The following SYT12 variants were observed in gnomAD, a reference collection of about 807,000 sequenced individuals.
SYT12 encodes synaptotagmin-12.
SYT12 carries 27 observed loss-of-function variants against 39.5 expected under a neutral mutation model. That is an observed-to-expected ratio of 0.68 (90% CI 0.50 to 0.94). SYT12 has a LOEUF of 0.94. SYT12 is among the 40% of genes least tolerant of loss of function. The probability of loss-of-function intolerance (pLI) is 0.00; values close to 1 mark genes in which losing one functional copy is unlikely to be tolerated. For synonymous variants in SYT12, 233 were observed against 239.7 expected (o/e 0.97, Z 0.26); for missense variants, 536 against 572.6 (o/e 0.94, Z 0.65).
At chr11:67,045,984 C>T in intron 7 of SYT12, 107 bp downstream of exon 7, 2 of 1,439,548 alleles carry the variant, frequency 1.4e-6, no homozygotes, top group East Asian at 2.3e-5. Flanking sequence ...TAGTGGTTTG[C>T]CTCCAGCCAT....
rs1365190430 is a variant in SYT12 at position 67,023,410 on chromosome 11, G to A, written c.-74G>A. 6.7e-6 allele frequency: 1 copy of A among 150,310 alleles called. No individual in the cohort carries two copies. Among genetic ancestry groups the A allele is most frequent in the Non-Finnish European group, 1.5e-5 (1 of 67,356 alleles). The allele number at this position is 150,310 out of a possible 1,614,324, so 9.3% of individuals were successfully genotyped here. On this transcript the variant is annotated 5_prime_UTR_variant, in exon 1 of 8. Transcript: ENST00000527043. ...CAGGTGCGTGCGCGCTGCGGGAGGC[G>A]GGCCGGCAGCTGGAGCCCAGCCGGA...
In SYT12 at chr11:67,044,607, G is replaced by A. The variant is rs200935538; in HGVS notation, c.852G>A (p.Val284=). Residue 284 remains valine (V), a synonymous_variant, in exon 6 of 8, where the codon GTG becomes GTA. Coordinates refer to ENST00000527043, the MANE Select transcript of SYT12 (RefSeq NM_177963.4). ...LQDQNKAADA[V]GEILLSLSYL... ...CTGTCCCCCAGGCCGCCGATGCTGT[G>A]GGGGAGATCCTGCTCTCCCTCAGCT... 6.2e-7 allele frequency: 1 copy of A among 1,613,098 alleles called. No homozygotes were observed. Among genetic ancestry groups the A allele is most frequent in the Admixed American group, 1.7e-5 (1 of 59,990 alleles).
In SYT12 at chr11:67,048,725, G is replaced by A. The variant is rs200517338; in HGVS notation, c.1234G>A (p.Val412Met). The change falls in exon 8 of 8, where the codon GTG becomes ATG. Residue 412 changes from valine (V) to methionine (M), a missense_variant. Val to Met is a conservative substitution (Grantham distance 21). Coordinates refer to ENST00000527043, the MANE Select transcript of SYT12 (RefSeq NM_177963.4). Reference sequence around the variant, plus strand: ...GATGTTGGCCACGCTGCGCAGGCCCGTGTCCATGTGGCACGCTGTCCGGCG... The same window carrying A: ...GATGTTGGCCACGCTGCGCAGGCCCATGTCCATGTGGCACGCTGTCCGGCG... ...NQMLATLRRP[V>M]SMWHAVRRN The A allele has an allele frequency of 3.7e-5, 60 of 1,602,968 alleles. No individual in the cohort carries two copies. Among genetic ancestry groups the A allele is most frequent in the African/African-American group, 5.3e-5 (4 of 74,838 alleles).
At chr11:67,046,314 T>G (rs1854549549) in intron 7 of SYT12, among the ~76,000 whole-genome samples, 1 of 152,184 alleles carries the variant, frequency 6.6e-6, no homozygotes, top group Non-Finnish European at 1.5e-5. Context: ...GAAGGTGACA[T>G]GCTCCAGGGA....
chr11:67,028,699 GGA>G (rs1950214900), intron 1 of SYT12: 1 of 152,224 alleles, frequency 6.6e-6, no homozygotes, highest in Admixed American at 6.5e-5. Flanking sequence ...CACTCCCCAA[GGA>G]CTTTTTATAC....
At chr11:67,019,475 A>AG (rs1194840058), upstream of SYT12, among the ~76,000 whole-genome samples, 1 of 151,618 alleles carries the variant, frequency 6.6e-6, no homozygotes, top group African/African-American at 2.4e-5. Flanking sequence ...TCCACCTCAA[A>AG]AAAAAAAAAA....
chr11:67,046,612 C>T (rs1854561100), intron 7 of SYT12, among the ~76,000 whole-genome samples: 1 of 152,230 alleles, frequency 6.6e-6, no homozygotes, highest in Non-Finnish European at 1.5e-5. Flanking sequence ...CCGGGCACAC[C>T]CCAGCATCTC....
Position 67,043,658 on chromosome 11 carries a change from C to T in SYT12, c.642C>T (p.Ser214=). The T allele has an allele frequency of 6.2e-7, 1 of 1,614,144 alleles. No homozygotes were observed. Among genetic ancestry groups the T allele is most frequent in the Non-Finnish European group, 8.5e-7 (1 of 1,180,044 alleles). Residue 214 remains serine (S), a synonymous_variant, in exon 5 of 8, where the codon TCC becomes TCT. Transcript: ENST00000527043. The part of the protein sequence containing the change: ...GISRIQRNAY[S]IFFDEKFSIP... Reference sequence around the variant, plus strand: ...TGCAGATCCAGAGAAATGCCTACTCCATCTTCTTTGATGAGAAGTTCTCCA... The same window carrying T: ...TGCAGATCCAGAGAAATGCCTACTCTATCTTCTTTGATGAGAAGTTCTCCA...
chr11:67,041,804 G>A (rs576235100), intron 4 of SYT12, among the ~76,000 whole-genome samples: 1 of 152,348 alleles, frequency 6.6e-6, no homozygotes, highest in South Asian at 2.1e-4. Flanking sequence ...GACCCAACCA[G>A]AAGCCAAAGG....
rs1434821055 is a variant in SYT12 at position 67,039,832 on chromosome 11, C to T, written c.250C>T (p.Gln84Ter). The T allele has an allele frequency of 6.2e-7, 1 of 1,611,698 alleles. No individual in the cohort carries two copies. Among genetic ancestry groups the T allele is most frequent in the Non-Finnish European group, 8.5e-7 (1 of 1,179,674 alleles). The change falls in exon 4 of 8, where the codon CAG becomes TAG. Residue 84 changes from glutamine (Q) to a stop codon, truncating the protein, a stop_gained. Coordinates refer to ENST00000527043, the MANE Select transcript of SYT12 (RefSeq NM_177963.4). LOFTEE classifies it high-confidence loss of function. ...REKRVPAWNA[Q>*]RASTRGPPSR... is the part of the protein sequence containing the mutation. ...CTAGAGAGTGCCTGCCTGGAATGCCCAGCGGGCCAGCACGCGGGGACCACC... is the reference window on the plus strand; with the variant it reads ...CTAGAGAGTGCCTGCCTGGAATGCCTAGCGGGCCAGCACGCGGGGACCACC...
At chr11:67,045,918 A>T (rs1854533084) in intron 7 of SYT12, 41 bp downstream of exon 7, 1 of 1,611,216 alleles carries the variant, frequency 6.2e-7, no homozygotes, top group African/African-American at 1.3e-5. Flanking sequence ...AGGTCACCCC[A>T]GGGCTCTGGG....
intron 4 of SYT12, among the ~76,000 whole-genome samples, chr11:67,041,225 C>T (rs1249345308): frequency 6.6e-6 from 1 of 151,368 alleles, no homozygotes; most frequent in African/African-American, 2.4e-5. Context: ...GTAATCCCAG[C>T]CCTTTGGAGG....
intron 1 of SYT12, among the ~76,000 whole-genome samples, chr11:67,025,130 A>G (rs1020643847): frequency 3.9e-5 from 6 of 152,162 alleles, no homozygotes; most frequent in African/African-American, 1.4e-4. Flanking sequence ...CAGTGTTGCT[A>G]CTTGTATGCT....
chr11:67,020,331 G>C (rs1401167738), upstream of SYT12, among the ~76,000 whole-genome samples: 4 of 152,222 alleles, frequency 2.6e-5, no homozygotes, highest in Non-Finnish European at 4.4e-5. Flanking sequence ...GCAGGTGACA[G>C]GGATGGTGGC....
intron 1 of SYT12, among the ~76,000 whole-genome samples, chr11:67,007,650 C>T (rs567857877): frequency 7.9e-5 from 12 of 152,296 alleles, no homozygotes; most frequent in South Asian, 2.1e-4. Context: ...CTGCAACCTC[C>T]GCCTCCCGGG....
At chr11:67,040,972 A>G (rs1950502370) in intron 4 of SYT12, among the ~76,000 whole-genome samples, 1 of 152,106 alleles carries the variant, frequency 6.6e-6, no homozygotes, top group African/African-American at 2.4e-5. Flanking sequence ...AGCCTAGGCA[A>G]CATGGCAAAA....
chr11:67,035,458 C>CTTTTTTTTTTTTTTTTTT (rs1213047598), intron 3 of SYT12, among the ~76,000 whole-genome samples: 3 of 90,238 alleles, frequency 3.3e-5, no homozygotes, highest in African/African-American at 5.0e-5. Context: ...TTTTTCTTTT[C>CTTTTTTTTTTTTTTTTTT]TTTTTTTTTT....
chr11:67,047,925 C>T (rs1366412868), intron 7 of SYT12, among the ~76,000 whole-genome samples: 4 of 149,648 alleles, frequency 2.7e-5, no homozygotes, highest in African/African-American at 9.8e-5. Flanking sequence ...GTAGCTGGGA[C>T]TACAGGTGCC....
chr11:67,030,945 C>T (rs1591362537), intron 2 of SYT12: 1 of 152,258 alleles, frequency 6.6e-6, no homozygotes, highest in African/African-American at 2.4e-5. Context: ...GGTCTCCTGA[C>T]TCCCAGCCCC....
Sources: allele counts gnomAD v4.1 joint callset (sites outside exome capture counted in the v4.1 genomes callset), GRCh38; gene constraint gnomAD v4.1.1; transcripts MANE v1.5; gene names NCBI Gene and HGNC (gene_info 2026-07-23, HGNC 2026-07-21).